STXBP6: variants seen among roughly 807,000 people sequenced by gnomAD.
STXBP6 encodes the protein syntaxin-binding protein 6.
Under a neutral mutation model 26.9 loss-of-function variants are expected in STXBP6, and 21 were observed. The observed-to-expected ratio is 0.78, with a 90% CI of 0.55 to 1.12. The LOEUF (loss-of-function observed/expected upper bound fraction) is 1.12, where lower values mean the gene tolerates loss of function less well. Among genes scored for constraint, STXBP6 ranks in the 50% most tolerant of loss-of-function variants. The pLI is 0.00. For missense variants in STXBP6, 232 were observed against 257.9 expected (o/e 0.90, Z 0.69); for synonymous variants, 97 against 92.6 (o/e 1.05, Z -0.27).
chr14:25,015,828 C>A (rs984933504), intron 1 of STXBP6, among the ~76,000 whole-genome samples: 7 of 150,680 alleles, frequency 4.6e-5, no homozygotes, highest in African/African-American at 1.7e-4. Context: ...CAAACTGCTA[C>A]TTCTCCTGTG....
chr14:24,868,372 A>T (rs2069799683), intron 2 of STXBP6, among the ~76,000 whole-genome samples: 1 of 152,192 alleles, frequency 6.6e-6, no homozygotes, highest in South Asian at 2.1e-4. Context: ...ATTAGGGAGA[A>T]GCAAATTAAA....
intron 2 of STXBP6, among the ~76,000 whole-genome samples, chr14:24,950,435 T>C (rs565745003): frequency 5.9e-5 from 9 of 152,300 alleles, no homozygotes; most frequent in Middle Eastern, 3.4e-3. Context: ...AGTTTAAATG[T>C]CAATGAACAA....
chr14:24,976,852 CTTTT>C (rs71121808), intron 1 of STXBP6, among the ~76,000 whole-genome samples: 9 of 45,276 alleles, frequency 2.0e-4, no homozygotes, highest in South Asian at 1.3e-3. Flanking sequence ...ACTGGGCGCT[CTTTT>C]TTTTTTTTTT....
intron 1 of STXBP6, among the ~76,000 whole-genome samples, chr14:24,990,659 C>CAAAAA (rs1211659589): frequency 0.13 from 7,166 of 56,782 alleles, 621 homozygotes; most frequent in African/African-American, 0.17. Context: ...AACTCCATCT[C>CAAAAA]AAAAAAAAAA....
intron 2 of STXBP6, among the ~76,000 whole-genome samples, chr14:24,891,419 T>C (rs2070782508): frequency 6.6e-6 from 1 of 152,182 alleles, no homozygotes; most frequent in East Asian, 1.9e-4. Context: ...GTCAAAAGAC[T>C]AAGAAAATAT....
intron 2 of STXBP6, among the ~76,000 whole-genome samples, chr14:24,880,947 C>T (rs541736149): frequency 6.6e-6 from 1 of 152,296 alleles, no homozygotes; most frequent in South Asian, 2.1e-4. Flanking sequence ...TGTGTTTTCT[C>T]ATTGTTTTGA....
In STXBP6 at chr14:25,049,240, A is replaced by C. The variant is rs1424084047; in HGVS notation, c.-33+638T>G. The C allele has an allele frequency of 7.1e-6, 7 of 985,326 alleles. No individual in the cohort carries two copies. The highest frequency in any genetic ancestry group is 8.4e-6 in the Non-Finnish European group (7 of 829,976). The allele number at this position is 985,326 out of a possible 1,614,324, so 61.0% of individuals were successfully genotyped here. ...GCCACGTTGCCCGGCGGTGTTGGTG[A>C]GGCTCGATGCCGGCGTGCACGGCAA... On this transcript the variant is annotated intron_variant, in intron 1 of 5. Transcript: ENST00000323944. The surrounding 1 kb of genome is among the most constrained non-coding windows in gnomAD (Gnocchi z 5.6).
At position 24,845,904 on chromosome 14, in the gene STXBP6, A is replaced by G. The variant is rs80071134; in HGVS notation, c.451+10032T>C. Among the ~76,000 whole-genome samples, 1,233 of 152,340 alleles carry G rather than the reference A, an allele frequency of 8.1e-3. 22 individuals carry two copies. The highest frequency in any genetic ancestry group is 0.026 in the African/African-American group (1,095 of 41,584). ...AGGAGGGGACCATGAACCAAGGAAC[A>G]TAATCAGCTTCTAGAAGGTGGAAAA... is the stretch of plus-strand genomic sequence containing the variant. On this transcript the variant is annotated intron_variant, in intron 4 of 5. Transcript: ENST00000323944.
At chr14:25,011,115 C>T (rs889906149) in intron 1 of STXBP6, among the ~76,000 whole-genome samples, 2 of 150,952 alleles carry the variant, frequency 1.3e-5, no homozygotes, top group African/African-American at 5.0e-5. Context: ...TTGTCTATAA[C>T]TACAAAAACT....
intron 2 of STXBP6, among the ~76,000 whole-genome samples, chr14:24,909,480 T>C (rs915040421): frequency 6.6e-6 from 1 of 152,106 alleles, no homozygotes; most frequent in African/African-American, 2.4e-5. Context: ...CCTAGCACTT[T>C]AGAAAATAAA....
rs185443811 is a variant in STXBP6 at position 24,916,756 on chromosome 14, C to T, written c.154+57909G>A. ...TCCATGGATCAACAGCATCTGTAAC[C>T]GTGGGTGCTTGTTAGAAATGTGGAA... On this transcript the variant is annotated intron_variant, in intron 2 of 5. Transcript: ENST00000323944. Among the ~76,000 whole-genome samples, 5 of 152,094 alleles carry T rather than the reference C, an allele frequency of 3.3e-5. 1 individual carries two copies. Among genetic ancestry groups the T allele is most frequent in the Admixed American group, 1.3e-4 (2 of 15,260 alleles).
At chr14:24,965,016 A>G (rs2073688866) in intron 2 of STXBP6, among the ~76,000 whole-genome samples, 1 of 152,200 alleles carries the variant, frequency 6.6e-6, no homozygotes. Flanking sequence ...TATTCATGAC[A>G]TTAGAGTGGA....
intron 5 of STXBP6, among the ~76,000 whole-genome samples, chr14:24,818,471 G>A (rs71405871): frequency 0.14 from 20,907 of 152,116 alleles, 1,862 homozygotes; most frequent in Non-Finnish European, 0.2. Flanking sequence ...GCGCTGGTCC[G>A]GTCAAGCTCA....
intron 1 of STXBP6, among the ~76,000 whole-genome samples, chr14:24,995,996 A>T (rs749408151): frequency 5.9e-5 from 9 of 152,188 alleles, no homozygotes; most frequent in Non-Finnish European, 8.8e-5. Flanking sequence ...AAAAATCTTT[A>T]TGTTGATCTA....
chr14:24,899,681 T>C (rs2071130297), intron 2 of STXBP6, among the ~76,000 whole-genome samples: 1 of 147,336 alleles, frequency 6.8e-6, no homozygotes, highest in African/African-American at 2.5e-5. Flanking sequence ...CTCAGGGGGC[T>C]GAGGCAGGAG....
intron 2 of STXBP6, among the ~76,000 whole-genome samples, chr14:24,967,193 A>T (rs1057313460): frequency 6.6e-6 from 1 of 152,176 alleles, no homozygotes; most frequent in African/African-American, 2.4e-5. Flanking sequence ...ACTATTATCT[A>T]CCTCATAGCA....
intron 2 of STXBP6, among the ~76,000 whole-genome samples, chr14:24,893,707 G>A (rs138210075): frequency 5.4e-4 from 82 of 152,238 alleles, no homozygotes; most frequent in Admixed American, 1.2e-3. Context: ...ACTTCATTTT[G>A]TTGTCTTCAA....
At chr14:24,882,378 CAAAAAAAAAAAAAAAAAAAA>C (rs57240083) in intron 2 of STXBP6, among the ~76,000 whole-genome samples, 3 of 26,830 alleles carry the variant, frequency 1.1e-4, no homozygotes, top group African/African-American at 1.7e-4. Context: ...GACTCCGTCT[CAAAAAAAAAAAAAAAAAAAA>C]AAAAAAAAAA....
chr14:24,851,239 C>T (rs976336730), intron 4 of STXBP6, among the ~76,000 whole-genome samples: 7 of 146,354 alleles, frequency 4.8e-5, no homozygotes, highest in Non-Finnish European at 7.5e-5. Context: ...GACCACGTCT[C>T]TTTTTTTTTT....
Sources: allele counts gnomAD v4.1 joint callset (sites outside exome capture counted in the v4.1 genomes callset), GRCh38; gene constraint gnomAD v4.1.1; non-coding constraint Gnocchi (gnomAD v3.1); transcripts MANE v1.5; gene names NCBI Gene and HGNC (gene_info 2026-07-23, HGNC 2026-07-21).